The following RPS6KC1 variants were observed in gnomAD, a reference collection of about 807,000 sequenced individuals.
The protein encoded by RPS6KC1 is ribosomal protein S6 kinase C1.
A neutral mutation model predicts 103.8 loss-of-function variants in RPS6KC1; 54 were observed. That is an observed-to-expected ratio of 0.52 (90% CI 0.42 to 0.65). The LOEUF is 0.65. Among genes scored for constraint, RPS6KC1 ranks in the 30% least tolerant of loss-of-function variants. RPS6KC1 has a pLI of 0.00. For missense variants in RPS6KC1, 1,151 were observed against 1,253.8 expected (o/e 0.92, Z 1.24); for synonymous variants, 439 against 438.7 (o/e 1.00, Z -0.01).
the RPS6KC1 span, among the ~76,000 whole-genome samples, chr1:213,380,621 T>C: frequency 1.3e-5 from 2 of 152,236 alleles, no homozygotes; most frequent in African/African-American, 4.8e-5. Context: ...ATAATAATTA[T>C]ACAATGTGTA....
At chr1:213,162,444 C>A (rs559776127) in intron 6 of RPS6KC1, among the ~76,000 whole-genome samples, 1 of 151,994 alleles carries the variant, frequency 6.6e-6, no homozygotes, top group South Asian at 2.1e-4. Context: ...CCAGGCCTGG[C>A]GAATTAAAAA....
the RPS6KC1 span, among the ~76,000 whole-genome samples, chr1:213,586,106 C>T: frequency 1.3e-5 from 2 of 152,322 alleles, no homozygotes; most frequent in East Asian, 1.9e-4. Context: ...ATTTCCCTCC[C>T]CTCCCCTCCC....
At chr1:213,754,407 T>C in the RPS6KC1 span, among the ~76,000 whole-genome samples, 4 of 152,234 alleles carry the variant, frequency 2.6e-5, no homozygotes, top group African/African-American at 9.6e-5. Context: ...AAATCTCATG[T>C]TTAATTGTTT....
At chr1:213,855,710 C>A in the RPS6KC1 span, among the ~76,000 whole-genome samples, 4 of 152,260 alleles carry the variant, frequency 2.6e-5, no homozygotes, top group Non-Finnish European at 5.9e-5. Flanking sequence ...CGGTCCACTG[C>A]AAATCACTGC....
At chr1:213,272,287 C>A (rs889367536) in intron 14 of RPS6KC1, among the ~76,000 whole-genome samples, 2 of 152,136 alleles carry the variant, frequency 1.3e-5, no homozygotes, top group Admixed American at 1.3e-4. Context: ...AAGTAAGTTA[C>A]TCAAGGCCAT....
chr1:213,405,934 C>T, the RPS6KC1 span, among the ~76,000 whole-genome samples: 5 of 152,182 alleles, frequency 3.3e-5, no homozygotes, highest in Admixed American at 6.5e-5. Context: ...TCCTCCGACC[C>T]GGCTAAGGGA....
chr1:213,438,985 G>A, the RPS6KC1 span, among the ~76,000 whole-genome samples: 3 of 151,790 alleles, frequency 2.0e-5, no homozygotes, highest in Non-Finnish European at 4.4e-5. Flanking sequence ...TAGTAGAGAC[G>A]GGGTTTCACC....
At chr1:213,846,231 C>T in the RPS6KC1 span, among the ~76,000 whole-genome samples, 10 of 149,564 alleles carry the variant, frequency 6.7e-5, no homozygotes, top group South Asian at 6.4e-4. Context: ...ACTTGGGAGG[C>T]GGAGGTCGCA....
chr1:213,401,012 T>G, the RPS6KC1 span, among the ~76,000 whole-genome samples: 2 of 152,142 alleles, frequency 1.3e-5, no homozygotes, highest in Non-Finnish European at 2.9e-5. Context: ...CGTCCCCTTT[T>G]GTTCTTATCT....
chr1:213,123,797 G>A (rs1009299013), intron 5 of RPS6KC1, among the ~76,000 whole-genome samples: 1 of 152,106 alleles, frequency 6.6e-6, no homozygotes, highest in African/African-American at 2.4e-5. Flanking sequence ...TTGAACCTCA[G>A]GGCTCAGTGA....
At chr1:213,773,074 G>A in the RPS6KC1 span, among the ~76,000 whole-genome samples, 1 of 152,170 alleles carries the variant, frequency 6.6e-6, no homozygotes, top group South Asian at 2.1e-4. Context: ...GGTGAGATCA[G>A]CAGGGCCTCT....
At chr1:213,816,754 T>G in the RPS6KC1 span, among the ~76,000 whole-genome samples, 1 of 152,232 alleles carries the variant, frequency 6.6e-6, no homozygotes, top group Non-Finnish European at 1.5e-5. Flanking sequence ...TTCTCCTTCC[T>G]GAACTTAAGT....
the RPS6KC1 span, among the ~76,000 whole-genome samples, chr1:213,362,935 C>T: frequency 7.9e-5 from 12 of 152,128 alleles, no homozygotes; most frequent in Non-Finnish European, 1.5e-4. Flanking sequence ...GCCTGTTGGC[C>T]CACCCTGCAA....
the RPS6KC1 span, among the ~76,000 whole-genome samples, chr1:213,757,159 G>T: frequency 6.6e-6 from 1 of 152,126 alleles, no homozygotes; most frequent in Admixed American, 6.6e-5. Context: ...GCCACTAAAT[G>T]TTCAAGTGAA....
intron 4 of RPS6KC1, among the ~76,000 whole-genome samples, chr1:213,109,810 G>A (rs530804067): frequency 6.6e-6 from 1 of 151,776 alleles, no homozygotes; most frequent in East Asian, 1.9e-4. Context: ...GGTATACCTA[G>A]GAGTGGAATT....
intron 8 of RPS6KC1, among the ~76,000 whole-genome samples, chr1:213,207,122 A>G (rs2093372369): frequency 6.6e-6 from 1 of 152,194 alleles, no homozygotes; most frequent in Admixed American, 6.5e-5. Context: ...ATATATATAT[A>G]GCTTCTGTGG....
At chr1:213,808,469 C>A in the RPS6KC1 span, among the ~76,000 whole-genome samples, 2 of 152,250 alleles carry the variant, frequency 1.3e-5, no homozygotes, top group Non-Finnish European at 2.9e-5. Flanking sequence ...TTTACCCAAG[C>A]AAGCCTGGGC....
the RPS6KC1 span, among the ~76,000 whole-genome samples, chr1:213,358,552 C>G: frequency 6.6e-6 from 1 of 152,166 alleles, no homozygotes; most frequent in Non-Finnish European, 1.5e-5. Flanking sequence ...TGCTAGCAGT[C>G]TATCAATTTT....
the RPS6KC1 span, among the ~76,000 whole-genome samples, chr1:213,771,524 A>G: frequency 3.3e-5 from 5 of 152,206 alleles, no homozygotes; most frequent in African/African-American, 9.6e-5. Context: ...TCCGGAGGAG[A>G]GGGAAATGGC....
Sources: allele counts gnomAD v4.1 joint callset (sites outside exome capture counted in the v4.1 genomes callset), GRCh38; gene constraint gnomAD v4.1.1; transcripts MANE v1.5; gene names NCBI Gene and HGNC (gene_info 2026-07-23, HGNC 2026-07-21).